SCLT1: variants seen among roughly 807,000 people sequenced by gnomAD.
SCLT1 encodes sodium channel and clathrin linker 1.
A neutral mutation model predicts 112.8 loss-of-function variants in SCLT1; 78 were observed. That is an observed-to-expected ratio of 0.69 (90% CI 0.58 to 0.83). The LOEUF (loss-of-function observed/expected upper bound fraction) is 0.83. SCLT1 is among the 40% of genes least tolerant of loss of function. The pLI is 0.00. For missense variants in SCLT1, 747 were observed against 770.4 expected (o/e 0.97, Z 0.36); for synonymous variants, 257 against 254.7 (o/e 1.01, Z -0.09).
At position 128,876,800 on chromosome 4, in the gene SCLT1, C is replaced by CT. The variant is rs200368484; in HGVS notation, n.226-165dup. Reference sequence around the variant, plus strand: ...ATCCCCTCTTGGATGTATACAGGTACTTGAGATTTTGGAACTCTTTCTATA... The same window carrying CT: ...ATCCCCTCTTGGATGTATACAGGTACTTTGAGATTTTGGAACTCTTTCTATA... On this transcript the variant is annotated intron_variant and non_coding_transcript_variant, in intron 3 of 7. Transcript: ENST00000503565. 6.3e-3 allele frequency among the ~76,000 whole-genome samples: 963 copies of CT among 152,294 alleles called. 5 individuals carry two copies. Among genetic ancestry groups the CT allele is most frequent in the African/African-American group, 0.022 (908 of 41,558 alleles).
intron 13 of SCLT1, among the ~76,000 whole-genome samples, chr4:128,953,571 G>C (rs1350070925): frequency 6.6e-6 from 1 of 152,014 alleles, no homozygotes; most frequent in African/African-American, 2.4e-5. Flanking sequence ...GAGGTGGGCA[G>C]ATCACGAGGT....
intron 10 of SCLT1, among the ~76,000 whole-genome samples, chr4:128,966,762 T>C (rs1289267231): frequency 6.6e-6 from 1 of 152,226 alleles, no homozygotes; most frequent in Non-Finnish European, 1.5e-5. Context: ...TTTTGAAGTA[T>C]AACTTCACTG....
chr4:128,901,683 T>C (rs936084647), intron 18 of SCLT1, among the ~76,000 whole-genome samples: 2 of 150,738 alleles, frequency 1.3e-5, no homozygotes, highest in African/African-American at 4.9e-5. Context: ...AAAAAAAAAT[T>C]AAAAAAAAAG....
intron 5 of SCLT1, among the ~76,000 whole-genome samples, chr4:129,031,324 AG>A (rs1343004600): frequency 6.6e-6 from 1 of 152,136 alleles, no homozygotes; most frequent in Non-Finnish European, 1.5e-5. Flanking sequence ...AATTAGTAAG[AG>A]GTATTTATGA....
intron 18 of SCLT1, among the ~76,000 whole-genome samples, chr4:128,913,789 C>T (rs1389957068): frequency 4.6e-5 from 7 of 152,310 alleles, no homozygotes. Context: ...CACTCACCAT[C>T]TATCACATAT....
Position 129,044,025 on chromosome 4 carries a change from G to T in SCLT1, c.129C>A (p.Asp43Glu). The change falls in exon 3 of 21, where the codon GAC (aspartate) becomes GAA (glutamate). Residue 43 changes from aspartate (D) to glutamate (E), a missense_variant. Asp to Glu is a conservative substitution (Grantham distance 45, BLOSUM62 2). This residue lies in a region of SCLT1 where 723 missense variants were observed against 721.3 expected (regional missense o/e 1.00). Transcript: ENST00000281142. ...VQKAVCQGEG[D>E]DTFENLVFDQ... ...CAAATACTAGGTTTTCAAATGTGTC[G>T]TCTCCTTCTCCTTGGCAGACAGCTT... is the stretch of plus-strand genomic sequence containing the variant. 6.4e-7 allele frequency: 1 copy of T among 1,568,536 alleles called. No homozygotes were observed. The highest frequency in any genetic ancestry group is 8.7e-7 in the Non-Finnish European group (1 of 1,144,220).
At chr4:129,029,011 A>C (rs111543352) in intron 5 of SCLT1, among the ~76,000 whole-genome samples, 1 of 152,192 alleles carries the variant, frequency 6.6e-6, no homozygotes, top group Non-Finnish European at 1.5e-5. Context: ...GGCAATCATT[A>C]AAAAGTCAGG....
At chr4:129,085,827 G>A (rs1204592560) in intron 1 of SCLT1, among the ~76,000 whole-genome samples, 2 of 151,940 alleles carry the variant, frequency 1.3e-5, no homozygotes, top group East Asian at 1.9e-4. Context: ...AACACATGGA[G>A]GGGACCAACA....
intron 18 of SCLT1, among the ~76,000 whole-genome samples, chr4:128,930,581 G>A (rs898304124): frequency 2.0e-5 from 3 of 152,256 alleles, no homozygotes; most frequent in Admixed American, 6.5e-5. Context: ...GATAGAAGGC[G>A]TTTCAAAAGA....
At position 129,062,257 on chromosome 4, in the gene SCLT1, T is replaced by C. The variant is rs144516945; in HGVS notation, c.103-18206A>G. Among the ~76,000 whole-genome samples, 179 of 152,306 alleles carry C rather than the reference T, an allele frequency of 1.2e-3. 3 individuals are homozygous for C. The East Asian group carries it at 0.031, about 27-fold the overall frequency. On this transcript the variant is annotated intron_variant, in intron 2 of 20. Transcript: ENST00000281142. Reference sequence around the variant, plus strand: ...GAGTTTCTGTGCCCACTTGGGTTTCTGTTACTCCTCTGATGCACTCTGGCA... The same window carrying C: ...GAGTTTCTGTGCCCACTTGGGTTTCCGTTACTCCTCTGATGCACTCTGGCA...
In SCLT1 at chr4:129,017,407, A is replaced by G. The variant is rs1258556607; in HGVS notation, c.291-13531T>C. On this transcript the variant is annotated intron_variant, in intron 5 of 20. Coordinates refer to ENST00000281142, the MANE Select transcript of SCLT1 (RefSeq NM_144643.4). Reference sequence around the variant, plus strand: ...CTTATTTTCTTGTTTTCTTTTAAATATAACAGTTGTAATAATATATTTGTA... The same window carrying G: ...CTTATTTTCTTGTTTTCTTTTAAATGTAACAGTTGTAATAATATATTTGTA... 4.6e-5 allele frequency among the ~76,000 whole-genome samples: 7 copies of G among 152,278 alleles called. No homozygotes were observed. In the South Asian group the frequency reaches 8.3e-4, roughly 18 times the overall value.
chr4:128,910,991 C>G (rs1214627177), intron 18 of SCLT1, among the ~76,000 whole-genome samples: 1 of 152,110 alleles, frequency 6.6e-6, no homozygotes. Flanking sequence ...AGGCCAGGTG[C>G]GGTGGCTCAC....
Position 129,000,012 on chromosome 4 carries a change from G to A in SCLT1, c.427-218C>T, listed in dbSNP as rs556900445. On this transcript the variant is annotated intron_variant, in intron 6 of 20. Transcript: ENST00000281142. ...ACATAAAGTTCCTTATTTTGAAATT[G>A]TGGTTTTACTCAGATTTAGCTAAAA... Among the ~76,000 whole-genome samples the A allele has an allele frequency of 5.9e-5, 9 of 151,926 alleles. No homozygotes were observed. In the East Asian group the frequency reaches 1.7e-3, roughly 29 times the overall value.
chr4:129,000,314 A>G (rs1743365792), intron 6 of SCLT1, among the ~76,000 whole-genome samples: 1 of 152,006 alleles, frequency 6.6e-6, no homozygotes, highest in African/African-American at 2.4e-5. Flanking sequence ...TCATGTTTAT[A>G]AATGTGATTC....
intron 15 of SCLT1, among the ~76,000 whole-genome samples, chr4:128,947,097 C>T (rs746792655): frequency 1.3e-5 from 2 of 152,228 alleles, no homozygotes; most frequent in African/African-American, 2.4e-5. Context: ...CGTCAACATT[C>T]CACTACTGGA....
At chr4:128,880,543 A>G (rs1389666240), downstream of SCLT1, among the ~76,000 whole-genome samples, 1 of 152,194 alleles carries the variant, frequency 6.6e-6, no homozygotes, top group East Asian at 1.9e-4. Flanking sequence ...GGGATAAATA[A>G]CTAGTCCTGC....
At chr4:128,915,876 C>G (rs933400873) in intron 18 of SCLT1, among the ~76,000 whole-genome samples, 2 of 152,046 alleles carry the variant, frequency 1.3e-5, no homozygotes, top group African/African-American at 4.8e-5. Flanking sequence ...TGTAATGAAA[C>G]AAGTATAAAA....
intron 1 of SCLT1, among the ~76,000 whole-genome samples, chr4:129,090,354 C>T (rs372030165): frequency 1.3e-5 from 2 of 152,236 alleles, no homozygotes; most frequent in East Asian, 1.9e-4. Context: ...TGCAAAGGAG[C>T]AAAGGTAATT....
intron 2 of SCLT1, among the ~76,000 whole-genome samples, chr4:129,078,315 A>G (rs1022249071): frequency 3.3e-5 from 5 of 152,202 alleles, no homozygotes; most frequent in Admixed American, 6.5e-5. Flanking sequence ...AACATCTTTC[A>G]TAATCAAGTC....
Sources: allele counts gnomAD v4.1 joint callset (sites outside exome capture counted in the v4.1 genomes callset), GRCh38; gene constraint gnomAD v4.1.1; regional missense constraint gnomAD v4.1.1; transcripts MANE v1.5; gene names NCBI Gene and HGNC (gene_info 2026-07-23, HGNC 2026-07-21).